ZDHHC21: variants seen among roughly 807,000 people sequenced by gnomAD.
ZDHHC21 encodes palmitoyltransferase ZDHHC21.
A neutral mutation model predicts 34.6 loss-of-function variants in ZDHHC21; 15 were observed. The ratio of observed to expected loss-of-function variants is 0.43; its 90% CI spans 0.29 to 0.67. ZDHHC21 has a LOEUF of 0.67. ZDHHC21 is among the 30% of genes least tolerant of loss of function. ZDHHC21 has a pLI of 0.14. For missense variants in ZDHHC21, 344 were observed against 327.7 expected (o/e 1.05, Z -0.38); for synonymous variants, 142 against 101.8 (o/e 1.40, Z -2.38).
chr9:14,609,883 C>A (rs184269335), downstream of ZDHHC21, among the ~76,000 whole-genome samples: 110 of 152,136 alleles, frequency 7.2e-4, 1 homozygote, highest in Admixed American at 5.0e-3. Flanking sequence ...CTTTTTCCAA[C>A]TACATTATCT....
At chr9:14,634,501 T>A (rs1026555410) in intron 8 of ZDHHC21, among the ~76,000 whole-genome samples, 1 of 152,160 alleles carries the variant, frequency 6.6e-6, no homozygotes, top group Non-Finnish European at 1.5e-5. Context: ...CAAGCCCACC[T>A]GGCAACCCGG....
chr9:14,655,712 G>C (rs1290270217), intron 7 of ZDHHC21, among the ~76,000 whole-genome samples: 1 of 151,600 alleles, frequency 6.6e-6, no homozygotes, highest in East Asian at 1.9e-4. Flanking sequence ...TAGAAAATTG[G>C]AATTTTTTTT....
At chr9:14,685,579 A>T (rs527437161) in intron 2 of ZDHHC21, among the ~76,000 whole-genome samples, 2 of 152,258 alleles carry the variant, frequency 1.3e-5, no homozygotes, top group Non-Finnish European at 2.9e-5. Flanking sequence ...GATATGAAGA[A>T]ACAGGAACAC....
chr9:14,623,897 A>AC (rs1410261879), intron 8 of ZDHHC21, among the ~76,000 whole-genome samples: 8 of 152,060 alleles, frequency 5.3e-5, no homozygotes. Flanking sequence ...CTGGGGAAGA[A>AC]CCTTTACTCT....
chr9:14,591,628 A>T, the ZDHHC21 span, among the ~76,000 whole-genome samples: 1 of 152,184 alleles, frequency 6.6e-6, no homozygotes, highest in Admixed American at 6.5e-5. Flanking sequence ...AGCAGTTCTA[A>T]AACTGGTCCA....
chr9:14,668,849 A>C (rs996809439), intron 5 of ZDHHC21, among the ~76,000 whole-genome samples: 15 of 131,174 alleles, frequency 1.1e-4, no homozygotes, highest in African/African-American at 4.2e-4. Flanking sequence ...ACAAAAATCA[A>C]TTCAAGATGG....
chr9:14,683,739 A>C (rs942611290), intron 2 of ZDHHC21: 1 of 152,198 alleles, frequency 6.6e-6, no homozygotes, highest in African/African-American at 2.4e-5. Flanking sequence ...CCTGGCAGAG[A>C]CGCAACAAAA....
At chr9:14,627,153 G>T (rs1826415207) in intron 8 of ZDHHC21, among the ~76,000 whole-genome samples, 1 of 152,096 alleles carries the variant, frequency 6.6e-6, no homozygotes, top group Non-Finnish European at 1.5e-5. Context: ...ATCATTTGAG[G>T]ACTACACTTC....
intron 1 of ZDHHC21, among the ~76,000 whole-genome samples, chr9:14,692,292 C>A (rs990261412): frequency 2.6e-5 from 4 of 152,172 alleles, no homozygotes; most frequent in African/African-American, 7.2e-5. Context: ...ATTCTTACCA[C>A]AAGGAAAGCA....
At position 14,663,480 on chromosome 9, in the gene ZDHHC21, T is replaced by C; in HGVS notation, c.254-1154A>G. On this transcript the variant is annotated intron_variant, in intron 5 of 9. Coordinates refer to ENST00000380916, the MANE Select transcript of ZDHHC21 (RefSeq NM_178566.6). ...AGACAATATTCAATTTTCTTTTTTT[T>C]TTCAGATTACAGATTTTTTTTTTTT... 3.3e-5 allele frequency among the ~76,000 whole-genome samples: 5 copies of C among 149,998 alleles called. No homozygotes were observed. In the South Asian group the frequency reaches 1.1e-3, roughly 33 times the overall value.
the ZDHHC21 span, among the ~76,000 whole-genome samples, chr9:14,594,396 A>C: frequency 6.6e-6 from 1 of 152,250 alleles, no homozygotes; most frequent in East Asian, 1.9e-4. Context: ...TGCTAGAAAT[A>C]AGCATTACAT....
intron 7 of ZDHHC21, among the ~76,000 whole-genome samples, chr9:14,655,748 G>C (rs1487043551): frequency 6.6e-6 from 1 of 151,332 alleles, no homozygotes; most frequent in African/African-American, 2.4e-5. Flanking sequence ...AAACAGGAAA[G>C]AAAAGGAGAA....
At chr9:14,674,645 C>T (rs1234466172) in intron 3 of ZDHHC21, among the ~76,000 whole-genome samples, 1 of 152,008 alleles carries the variant, frequency 6.6e-6, no homozygotes, top group Non-Finnish European at 1.5e-5. Flanking sequence ...GAACTGCTAT[C>T]ACAGGTATAA....
chr9:14,613,995 C>CT lies in ZDHHC21; in HGVS notation c.*4970dup, dbSNP rs1448829876. 6.6e-6 allele frequency: 1 copy of CT among 151,732 alleles called. No individual in the cohort carries two copies. The highest frequency in any genetic ancestry group is 2.4e-5 in the African/African-American group (1 of 41,388). 9.4% of individuals were successfully genotyped at this position (151,732 alleles called of 1,614,324 possible). ...CTGAAGAGAAACCGCAATATAAATT[C>CT]TTTAAGTTAAATAATTCAAACTAAA... On this transcript the variant is annotated 3_prime_UTR_variant, in exon 10 of 10. Transcript: ENST00000380916.
At chr9:14,664,458 G>C (rs1474955511) in intron 5 of ZDHHC21, among the ~76,000 whole-genome samples, 1 of 151,742 alleles carries the variant, frequency 6.6e-6, no homozygotes, top group Non-Finnish European at 1.5e-5. Flanking sequence ...GCCCAGGCTT[G>C]CTTAGGTAGA....
At chr9:14,653,114 G>T (rs1831535861) in intron 7 of ZDHHC21, among the ~76,000 whole-genome samples, 1 of 150,520 alleles carries the variant, frequency 6.6e-6, no homozygotes, top group Non-Finnish European at 1.5e-5. Context: ...GATAGTTAGG[G>T]ACCTTCGGGG....
chr9:14,593,440 C>G, the ZDHHC21 span: 2 of 152,006 alleles, frequency 1.3e-5, no homozygotes, highest in East Asian at 3.9e-4. Flanking sequence ...CCAAAACAGG[C>G]TTAACAGGAA....
chr9:14,592,892 T>C, the ZDHHC21 span, among the ~76,000 whole-genome samples: 6,447 of 152,206 alleles, frequency 0.042, 180 homozygotes, highest in Non-Finnish European at 0.063. Context: ...ATTCGGAAAT[T>C]AGACAACATA....
chr9:14,652,099 A>C (rs1182454327), intron 7 of ZDHHC21, among the ~76,000 whole-genome samples: 1 of 151,996 alleles, frequency 6.6e-6, no homozygotes, highest in Non-Finnish European at 1.5e-5. Flanking sequence ...AAAGTTTATA[A>C]TCTTTATTGA....
Sources: gnomAD v4.1 joint callset for allele counts (sites outside exome capture counted in the v4.1 genomes callset) on GRCh38, gnomAD v4.1.1 for gene constraint, MANE v1.5 for transcripts, NCBI Gene and HGNC (gene_info 2026-07-23, HGNC 2026-07-21) for gene names.